Variants in ACSF2 observed in about 807,000 individuals in gnomAD.
ACSF2 encodes medium-chain acyl-CoA ligase ACSF2, mitochondrial.
In ACSF2, 52 loss-of-function variants were observed where a neutral mutation model predicts 79.3. The ratio of observed to expected loss-of-function variants is 0.66; its 90% CI spans 0.53 to 0.83. ACSF2 has a LOEUF of 0.83. Among genes scored for constraint, ACSF2 ranks in the 40% least tolerant of loss-of-function variants. ACSF2 has a pLI of 0.00. For synonymous variants in ACSF2, 283 were observed against 312.6 expected, an observed-to-expected ratio of 0.91 and a Z score of 1.00; for missense variants, 661 against 803.3, an observed-to-expected ratio of 0.82 and a Z score of 2.14.
At chr17:50,453,431 C>T (rs1018413797) in intron 1 of ACSF2, among the ~76,000 whole-genome samples, 8 of 152,062 alleles carry the variant, frequency 5.3e-5, no homozygotes, top group Non-Finnish European at 1.2e-4. Flanking sequence ...TGGTCTCAAA[C>T]TCCTGACCTC....
In ACSF2 at chr17:50,472,502, C is replaced by T; in HGVS notation, c.1398C>T (p.Tyr466=). ...CCGGGGAGCTGTGCATCCGAGGGTA[C>T]TGCGTCATGCTGGGCTACTGGGGTG... The part of the protein sequence containing the change: ...NTPGELCIRG[Y]CVMLGYWGEP... The change falls in exon 12 of 16, where the codon TAC becomes TAT. Residue 466 remains tyrosine (Y), a synonymous_variant. Coordinates refer to ENST00000300441, the MANE Select transcript of ACSF2 (RefSeq NM_025149.6). The T allele has an allele frequency of 6.2e-7, 1 of 1,613,062 alleles. No homozygotes were observed. Among genetic ancestry groups the T allele is most frequent in the South Asian group, 1.1e-5 (1 of 90,898 alleles).
At chr17:50,472,157 T>C (rs776043841) in intron 11 of ACSF2, 3 of 454,120 alleles carry the variant, frequency 6.6e-6, no homozygotes, top group Non-Finnish European at 7.8e-6. Context: ...ACCTCTTTCT[T>C]TGCAGCAGCT....
intron 10 of ACSF2, chr17:50,465,736 C>T (rs747475832): frequency 6.2e-7 from 1 of 1,613,704 alleles, no homozygotes; most frequent in Non-Finnish European, 8.5e-7. Context: ...GGCAGGTACA[C>T]TTCCAGGGGT....
chr17:50,465,195 G>C (rs1428802377), intron 10 of ACSF2: 2 of 1,427,506 alleles, frequency 1.4e-6, no homozygotes, highest in Non-Finnish European at 1.9e-6. Context: ...TGGAGGGTCT[G>C]CCTGACCCTC....
intron 1 of ACSF2, chr17:50,460,060 A>T: frequency 2.8e-6 from 1 of 352,648 alleles, no homozygotes; most frequent in South Asian, 2.1e-5. Flanking sequence ...TTTCTTCTTC[A>T]TCTGCAGGTG....
intron 1 of ACSF2, among the ~76,000 whole-genome samples, chr17:50,443,439 A>G (rs1290440891): frequency 6.6e-6 from 1 of 152,224 alleles, no homozygotes; most frequent in Non-Finnish European, 1.5e-5. Context: ...ACAAGAATAA[A>G]AAGCTCTTAA....
At chr17:50,440,159 G>T (rs544832142) in intron 1 of ACSF2, among the ~76,000 whole-genome samples, 2 of 152,310 alleles carry the variant, frequency 1.3e-5, no homozygotes, top group Admixed American at 6.5e-5. Flanking sequence ...CCAGTCCATG[G>T]CTTGGAACAA....
intron 1 of ACSF2, among the ~76,000 whole-genome samples, chr17:50,434,455 G>A (rs953758526): frequency 2.2e-4 from 33 of 152,156 alleles, no homozygotes; most frequent in African/African-American, 7.2e-4. Context: ...GGGAGGCTGA[G>A]GCAGGTGGAT....
intron 10 of ACSF2, chr17:50,465,253 A>G (rs2143741461): frequency 6.2e-7 from 1 of 1,611,576 alleles, no homozygotes; most frequent in African/African-American, 1.3e-5. Flanking sequence ...TGCTGGAATC[A>G]CCAAAGAGGG....
chr17:50,462,095 G>A, intron 4 of ACSF2, 89 bp from the exon 5 acceptor site: 1 of 1,114,856 alleles, frequency 9.0e-7, no homozygotes, highest in South Asian at 1.3e-5. Context: ...GGGTGCATCT[G>A]TATGAGAGCA....
intron 1 of ACSF2, among the ~76,000 whole-genome samples, chr17:50,437,742 T>C (rs1171146083): frequency 6.6e-6 from 1 of 152,184 alleles, no homozygotes; most frequent in Non-Finnish European, 1.5e-5. Flanking sequence ...TTGCTTCATC[T>C]TTTGGATATT....
At chr17:50,458,096 A>C (rs1334524715) in intron 1 of ACSF2, among the ~76,000 whole-genome samples, 3 of 152,146 alleles carry the variant, frequency 2.0e-5, no homozygotes, top group African/African-American at 7.2e-5. Context: ...AGGGAGTGAC[A>C]CTGGTTGAGA....
At chr17:50,438,598 A>C (rs550172389) in intron 1 of ACSF2, among the ~76,000 whole-genome samples, 1 of 151,160 alleles carries the variant, frequency 6.6e-6, no homozygotes, top group Non-Finnish European at 1.5e-5. Context: ...ATGGAGTCTC[A>C]CTCTGTCACC....
intron 1 of ACSF2, among the ~76,000 whole-genome samples, chr17:50,452,750 G>A (rs759384461): frequency 1.4e-4 from 21 of 152,160 alleles, no homozygotes; most frequent in Non-Finnish European, 2.4e-4. Flanking sequence ...TGTGGTGTGG[G>A]CAAGGAAGGA....
chr17:50,435,057 A>T (rs1048645539), intron 1 of ACSF2, among the ~76,000 whole-genome samples: 1 of 151,930 alleles, frequency 6.6e-6, no homozygotes, highest in Non-Finnish European at 1.5e-5. Flanking sequence ...TTTAGTAGAG[A>T]TGGGATTTCT....
chr17:50,451,601 A>G (rs9916635), intron 1 of ACSF2, among the ~76,000 whole-genome samples: 46,315 of 151,834 alleles, frequency 0.31, 7,175 homozygotes, highest in African/African-American at 0.34. Context: ...AGGCACCCAT[A>G]ACCACACCCG....
At chr17:50,464,342 G>A (rs1598425118) in intron 10 of ACSF2, 48 bp downstream of exon 10, 2 of 1,575,806 alleles carry the variant, frequency 1.3e-6, no homozygotes, top group Non-Finnish European at 1.7e-6. Flanking sequence ...GGCCTGGGAT[G>A]ACAGCAGATG....
intron 1 of ACSF2, among the ~76,000 whole-genome samples, chr17:50,451,325 T>C (rs886412818): frequency 6.6e-6 from 1 of 152,254 alleles, no homozygotes; most frequent in Admixed American, 6.5e-5. Context: ...GCTAATTCTA[T>C]ATTTAACTTT....
At chr17:50,442,921 T>C (rs2143574031) in intron 1 of ACSF2, among the ~76,000 whole-genome samples, 1 of 152,110 alleles carries the variant, frequency 6.6e-6, no homozygotes, top group Non-Finnish European at 1.5e-5. Context: ...TTTCTTTTTT[T>C]TTTTTCTGAG....
Sources: gnomAD v4.1 joint callset for allele counts (sites outside exome capture counted in the v4.1 genomes callset) on GRCh38, gnomAD v4.1.1 for gene constraint, MANE v1.5 for transcripts, NCBI Gene and HGNC (gene_info 2026-07-23, HGNC 2026-07-21) for gene names.